XXYLT1: variants seen among roughly 807,000 people sequenced by gnomAD.
XXYLT1 encodes xyloside xylosyltransferase 1.
A neutral mutation model predicts 28.9 loss-of-function variants in XXYLT1; 20 were observed. The observed-to-expected ratio is 0.69, with a 90% confidence interval of 0.49 to 1.00. The LOEUF (loss-of-function observed/expected upper bound fraction) is 1.00. Ranked by LOEUF, XXYLT1 falls within the 50% of genes least tolerant of loss-of-function variation. The probability of loss-of-function intolerance (pLI) is 0.00; values close to 1 mark genes in which losing one functional copy is unlikely to be tolerated. For missense variants in XXYLT1, 542 were observed against 560.1 expected (o/e 0.97, Z 0.33); for synonymous variants, 257 against 253.8 (o/e 1.01, Z -0.12).
intron 3 of XXYLT1, among the ~76,000 whole-genome samples, chr3:195,122,768 C>T (rs372081615): frequency 2.6e-5 from 4 of 152,206 alleles, no homozygotes; most frequent in African/African-American, 7.2e-5. Flanking sequence ...AGTGTGACAG[C>T]GGGGGCGACA....
chr3:195,119,090 G>T (rs1259878050), intron 3 of XXYLT1, among the ~76,000 whole-genome samples: 4 of 151,596 alleles, frequency 2.6e-5, no homozygotes, highest in Non-Finnish European at 5.9e-5. Context: ...AGCCTGGCCA[G>T]CATGGTGAAA....
intron 2 of XXYLT1, among the ~76,000 whole-genome samples, chr3:195,214,200 C>T (rs1723456150): frequency 6.6e-6 from 1 of 152,152 alleles, no homozygotes; most frequent in Admixed American, 6.5e-5. Flanking sequence ...CAGTTCACTT[C>T]TCCTGCCTCA....
chr3:195,103,451 C>T (rs181907345), intron 3 of XXYLT1, among the ~76,000 whole-genome samples: 292 of 152,174 alleles, frequency 1.9e-3, no homozygotes, highest in African/African-American at 6.7e-3. Context: ...ACACCAGCGG[C>T]CTGCGTCCAT....
chr3:195,255,601 G>T lies in XXYLT1; in HGVS notation c.504+14954C>A, dbSNP rs1577203354. On this transcript the variant is annotated intron_variant, in intron 1 of 3. Transcript: ENST00000310380. The surrounding 1 kb of genome is among the most constrained non-coding windows in gnomAD (Gnocchi z 4.5). ...CTGTGTCAGGCTAGAAACCAAAACA[G>T]AAGACAAACCGGCGCACAGAGCAAG... Among the ~76,000 whole-genome samples the T allele has an allele frequency of 6.6e-6, 1 of 152,314 alleles. No individual in the cohort carries two copies. Among genetic ancestry groups the T allele is most frequent in the East Asian group, 1.9e-4 (1 of 5,172 alleles).
At chr3:195,091,015 T>G (rs2108661142) in intron 3 of XXYLT1, among the ~76,000 whole-genome samples, 1 of 151,298 alleles carries the variant, frequency 6.6e-6, no homozygotes, top group African/African-American at 2.4e-5. Context: ...TAACAGGAGC[T>G]GAAATTGTGG....
At chr3:195,225,145 T>C (rs901532332) in intron 2 of XXYLT1, among the ~76,000 whole-genome samples, 2 of 152,074 alleles carry the variant, frequency 1.3e-5, no homozygotes, top group African/African-American at 4.8e-5. Context: ...ACAGGATGGG[T>C]AGAAGGGTTG....
Position 195,271,082 on chromosome 3 carries a change from C to A in XXYLT1, c.-24G>T. The A allele has an allele frequency of 7.6e-7, 1 of 1,313,348 alleles. No homozygotes were observed. Among genetic ancestry groups the A allele is most frequent in the Non-Finnish European group, 9.7e-7 (1 of 1,034,546 alleles). 81.4% of individuals were successfully genotyped at this position (1,313,348 alleles called of 1,614,324 possible). On this transcript the variant is annotated 5_prime_UTR_variant, in exon 1 of 4. Coordinates refer to ENST00000310380, the MANE Select transcript of XXYLT1 (RefSeq NM_152531.5). ...ATGCGCTACGAGACCGCGGCGCCAG[C>A]GGTGCCAGCAACGCGGGAGAGCCCT...
At chr3:195,182,215 G>A (rs1168379042) in intron 2 of XXYLT1, among the ~76,000 whole-genome samples, 3 of 152,112 alleles carry the variant, frequency 2.0e-5, no homozygotes, top group African/African-American at 7.2e-5. Flanking sequence ...TACCATATCC[G>A]CCTTCCTACC....
intron 3 of XXYLT1, among the ~76,000 whole-genome samples, chr3:195,148,600 G>A (rs1310234701): frequency 1.3e-5 from 2 of 152,168 alleles, no homozygotes; most frequent in Non-Finnish European, 2.9e-5. Flanking sequence ...AGGGCTTCAT[G>A]CCTAGTGAAC....
rs113054364 is a variant in XXYLT1 at position 195,238,754 on chromosome 3, G to A, written c.505-11898C>T. ...GTCCCCGAAATGCCTTCTCCCCACA[G>A]ATCAGTTTTCACTCCTAAGCCAGCT... On this transcript the variant is annotated intron_variant, in intron 1 of 3. Coordinates refer to ENST00000310380, the MANE Select transcript of XXYLT1 (RefSeq NM_152531.5). Among the ~76,000 whole-genome samples, 274 of 152,238 alleles carry A rather than the reference G, an allele frequency of 1.8e-3. 3 individuals are homozygous for A. Among genetic ancestry groups the A allele is most frequent in the Middle Eastern group, 6.8e-3 (2 of 294 alleles).
At chr3:195,234,779 A>G (rs1398459937) in intron 1 of XXYLT1, among the ~76,000 whole-genome samples, 1 of 152,096 alleles carries the variant, frequency 6.6e-6, no homozygotes, top group African/African-American at 2.4e-5. Context: ...TGCTACTTTT[A>G]GGATCCTTTC....
At position 195,240,358 on chromosome 3, in the gene XXYLT1, C is replaced by T. The variant is rs1180980775; in HGVS notation, c.505-13502G>A. 6.6e-6 allele frequency among the ~76,000 whole-genome samples: 1 copy of T among 152,248 alleles called. No homozygotes were observed. The highest frequency in any genetic ancestry group is 1.5e-5 in the Non-Finnish European group (1 of 68,042). On this transcript the variant is annotated intron_variant, in intron 1 of 3. Transcript: ENST00000310380. The surrounding 1 kb of genome is among the most constrained non-coding windows in gnomAD (Gnocchi z 4.7). ...AGAAGCAGGCGTCTTTGCCACCCAGCCCTGTGCTCGCTGGCACTGAGATGC... is the reference window on the plus strand; with the variant it reads ...AGAAGCAGGCGTCTTTGCCACCCAGTCCTGTGCTCGCTGGCACTGAGATGC...
chr3:195,209,741 C>T lies in XXYLT1; in HGVS notation c.652+16968G>A. 6.5e-6 allele frequency: 1 copy of T among 153,012 alleles called. No individual in the cohort carries two copies. Among genetic ancestry groups the T allele is most frequent in the Non-Finnish European group, 1.5e-5 (1 of 68,612 alleles). The allele number at this position is 153,012 out of a possible 1,614,324, so 9.5% of individuals were successfully genotyped here. On this transcript the variant is annotated intron_variant, in intron 2 of 3. Coordinates refer to ENST00000310380, the MANE Select transcript of XXYLT1 (RefSeq NM_152531.5). This position sits in a 1 kb window ranked among gnomAD's most constrained non-coding sequence, Gnocchi z 5.0. ...ACCCGCCAGGCAAGGGGAGGCCGGG[C>T]CCACACCCTGCAGCCCACTCTCTCT...
intron 3 of XXYLT1, among the ~76,000 whole-genome samples, chr3:195,070,714 T>C (rs1339427379): frequency 6.6e-6 from 1 of 152,190 alleles, no homozygotes; most frequent in Non-Finnish European, 1.5e-5. Flanking sequence ...AGAACTGTTT[T>C]CTGCTTTAGA....
intron 3 of XXYLT1, among the ~76,000 whole-genome samples, chr3:195,084,822 C>A (rs1349483846): frequency 1.3e-5 from 2 of 152,204 alleles, no homozygotes; most frequent in Non-Finnish European, 2.9e-5. Context: ...CACACAGACA[C>A]CCTCATCCTG....
intron 3 of XXYLT1, among the ~76,000 whole-genome samples, chr3:195,112,514 C>CCACACACA (rs367884630): frequency 8.0e-3 from 349 of 43,582 alleles, no homozygotes; most frequent in African/African-American, 0.016. Context: ...CCACACACAC[C>CCACACACA]CACACACACA....
At chr3:195,119,094 G>C (rs1185784119) in intron 3 of XXYLT1, among the ~76,000 whole-genome samples, 1 of 151,914 alleles carries the variant, frequency 6.6e-6, no homozygotes, top group Admixed American at 6.6e-5. Context: ...TGGCCAGCAT[G>C]GTGAAACCCT....
intron 3 of XXYLT1, chr3:195,146,980 C>CT (rs1719887816): frequency 6.5e-6 from 1 of 153,734 alleles, no homozygotes; most frequent in Admixed American, 6.5e-5. Flanking sequence ...GCTGGAACTA[C>CT]AGGTGCAGGC....
At chr3:195,123,542 C>T (rs573651744) in intron 3 of XXYLT1, among the ~76,000 whole-genome samples, 1 of 152,328 alleles carries the variant, frequency 6.6e-6, no homozygotes, top group East Asian at 1.9e-4. Flanking sequence ...GTCCTGAGGG[C>T]TGCAAGGCCT....
Sources: gnomAD v4.1 joint callset for allele counts (sites outside exome capture counted in the v4.1 genomes callset) on GRCh38, gnomAD v4.1.1 for gene constraint, Gnocchi (gnomAD v3.1) non-coding constraint, MANE v1.5 for transcripts, NCBI Gene and HGNC (gene_info 2026-07-23, HGNC 2026-07-21) for gene names.